Variants in OR9Q1 observed in about 807,000 individuals in gnomAD.
OR9Q1 encodes olfactory receptor family 9 subfamily Q member 1, also known as olfactory receptor 9Q1.
For synonymous variants in OR9Q1, 153 were observed against 148.6 expected, an observed-to-expected ratio of 1.03 and a Z score of -0.22; for missense variants, 374 against 378.8, an observed-to-expected ratio of 0.99 and a Z score of 0.11.
intron 2 of OR9Q1, among the ~76,000 whole-genome samples, chr11:58,161,751 C>T (rs1356666305): frequency 3.9e-5 from 6 of 152,214 alleles, no homozygotes; most frequent in South Asian, 2.1e-4. Context: ...AGGCTGGTCT[C>T]GAACTCCCGG....
At chr11:58,086,804 T>C (rs1348827651) in intron 2 of OR9Q1, among the ~76,000 whole-genome samples, 1 of 151,546 alleles carries the variant, frequency 6.6e-6, no homozygotes, top group Non-Finnish European at 1.5e-5. Flanking sequence ...AAAGGTAAAA[T>C]TCATAGAAAT....
intron 2 of OR9Q1, among the ~76,000 whole-genome samples, chr11:58,085,855 C>T (rs1375362597): frequency 2.0e-5 from 3 of 151,432 alleles, no homozygotes; most frequent in Non-Finnish European, 4.4e-5. Context: ...TAACAAGAAC[C>T]CCGCACCCAT....
chr11:58,053,101 A>G (rs1021743153), intron 1 of OR9Q1, among the ~76,000 whole-genome samples: 1 of 151,918 alleles, frequency 6.6e-6, no homozygotes, highest in African/African-American at 2.4e-5. Context: ...ATTACTGGGT[A>G]TATACCCAAA....
At chr11:58,034,907 A>G (rs1356677642) in intron 1 of OR9Q1, among the ~76,000 whole-genome samples, 1 of 150,124 alleles carries the variant, frequency 6.7e-6, no homozygotes, top group East Asian at 2.0e-4. Flanking sequence ...GGCTCATTGC[A>G]ACCTCCACCT....
chr11:58,107,688 C>T (rs1853855253), intron 2 of OR9Q1, among the ~76,000 whole-genome samples: 1 of 152,026 alleles, frequency 6.6e-6, no homozygotes, highest in Non-Finnish European at 1.5e-5. Flanking sequence ...AATCACCACA[C>T]TGTCTTCCAT....
At chr11:58,159,571 G>A (rs367617141) in intron 2 of OR9Q1, among the ~76,000 whole-genome samples, 6 of 152,136 alleles carry the variant, frequency 3.9e-5, no homozygotes, top group Admixed American at 2.6e-4. Context: ...TCCAATTCAG[G>A]GACTTTGAAT....
chr11:58,134,107 G>T (rs1854168716), intron 2 of OR9Q1, among the ~76,000 whole-genome samples: 1 of 152,186 alleles, frequency 6.6e-6, no homozygotes, highest in African/African-American at 2.4e-5. Flanking sequence ...AGGGATGAAA[G>T]GGCCCCAGCC....
intron 2 of OR9Q1, among the ~76,000 whole-genome samples, chr11:58,159,468 G>A (rs922026646): frequency 2.0e-5 from 3 of 150,596 alleles, no homozygotes. Context: ...AAAAAAAACA[G>A]TCATTAGATT....
chr11:58,161,713 G>A (rs1408861816), intron 2 of OR9Q1, among the ~76,000 whole-genome samples: 1 of 152,026 alleles, frequency 6.6e-6, no homozygotes, highest in Non-Finnish European at 1.5e-5. Context: ...TGTATTTTTA[G>A]TAGAGATGGG....
chr11:58,025,346 C>T (rs550684915), intron 1 of OR9Q1, among the ~76,000 whole-genome samples: 2 of 152,200 alleles, frequency 1.3e-5, no homozygotes, highest in Admixed American at 1.3e-4. Context: ...GTCCTACAGG[C>T]GCACGCCACC....
intron 2 of OR9Q1, among the ~76,000 whole-genome samples, chr11:58,107,119 T>A (rs1853848388): frequency 6.6e-6 from 1 of 152,132 alleles, no homozygotes; most frequent in African/African-American, 2.4e-5. Context: ...TCTTTCTTTT[T>A]TTTTAAATTA....
At chr11:58,063,064 A>G (rs890615221) in intron 2 of OR9Q1, among the ~76,000 whole-genome samples, 2 of 152,168 alleles carry the variant, frequency 1.3e-5, no homozygotes, top group Non-Finnish European at 2.9e-5. Flanking sequence ...AATTCTCTAC[A>G]CCACTGGTGG....
intron 2 of OR9Q1, among the ~76,000 whole-genome samples, chr11:58,056,190 A>G (rs186005900): frequency 6.6e-6 from 1 of 152,324 alleles, no homozygotes; most frequent in East Asian, 1.9e-4. Context: ...TACTCCCACT[A>G]TGGCTAGATT....
chr11:58,062,935 G>A (rs1853394796), intron 2 of OR9Q1, among the ~76,000 whole-genome samples: 1 of 152,118 alleles, frequency 6.6e-6, no homozygotes, highest in Non-Finnish European at 1.5e-5. Flanking sequence ...AGAGCCATGT[G>A]GGTGCCCTGG....
At chr11:58,175,645 A>T (rs1374288803) in intron 2 of OR9Q1, among the ~76,000 whole-genome samples, 1 of 152,062 alleles carries the variant, frequency 6.6e-6, no homozygotes, top group African/African-American at 2.4e-5. Context: ...ATTAGGCTGC[A>T]TGTTCCTCAT....
intron 2 of OR9Q1, among the ~76,000 whole-genome samples, chr11:58,066,217 C>A (rs531124922): frequency 6.6e-6 from 1 of 152,066 alleles, no homozygotes; most frequent in East Asian, 1.9e-4. Flanking sequence ...TCTGGTCCAG[C>A]GCTGTGTGTA....
At chr11:58,079,164 A>G (rs1853566065) in intron 2 of OR9Q1, among the ~76,000 whole-genome samples, 1 of 152,134 alleles carries the variant, frequency 6.6e-6, no homozygotes, top group Admixed American at 6.5e-5. Flanking sequence ...AAGGCCCTAG[A>G]GACTACAGCA....
At chr11:58,025,487 C>A (rs972146321) in intron 1 of OR9Q1, among the ~76,000 whole-genome samples, 4 of 152,240 alleles carry the variant, frequency 2.6e-5, no homozygotes, top group African/African-American at 7.2e-5. Context: ...GCGTGAGCCA[C>A]TGCGCCCGGC....
intron 1 of OR9Q1, among the ~76,000 whole-genome samples, chr11:58,046,429 A>G (rs548055855): frequency 3.9e-5 from 6 of 152,356 alleles, no homozygotes; most frequent in Admixed American, 3.9e-4. Flanking sequence ...TACCAGTTAT[A>G]GTCATTTTCT....
Sources: gnomAD v4.1 joint callset for allele counts (sites outside exome capture counted in the v4.1 genomes callset) on GRCh38, gnomAD v4.1.1 for gene constraint, MANE v1.5 for transcripts, NCBI Gene and HGNC (gene_info 2026-07-23, HGNC 2026-07-21) for gene names.